ELAVL4: variants seen among roughly 807,000 people sequenced by gnomAD.
ELAVL4 encodes the protein ELAV like RNA binding protein 4.
ELAVL4 carries 1 observed loss-of-function variant against 35.6 expected under a neutral mutation model. That is an observed-to-expected ratio of 0.03 (90% CI 0.01 to 0.13). The LOEUF is 0.13. ELAVL4 is among the 10% of genes least tolerant of loss of function. ELAVL4 has a pLI of 1.00. For synonymous variants in ELAVL4, 156 were observed against 171.0 expected (o/e 0.91, Z 0.69); for missense variants, 267 against 464.9 (o/e 0.57, Z 3.91).
At chr1:50,051,956 A>C (rs939613371) in intron 1 of ELAVL4, among the ~76,000 whole-genome samples, 1 of 152,032 alleles carries the variant, frequency 6.6e-6, no homozygotes, top group African/African-American at 2.4e-5. Context: ...CTATCTCTTC[A>C]TATGTTCTTT....
At chr1:50,113,462 G>A (rs1667427202) in intron 1 of ELAVL4, among the ~76,000 whole-genome samples, 2 of 151,982 alleles carry the variant, frequency 1.3e-5, no homozygotes, top group African/African-American at 4.8e-5. Flanking sequence ...AAGTACTTTG[G>A]CCTTGACAAA....
intron 1 of ELAVL4, among the ~76,000 whole-genome samples, chr1:50,122,156 CT>C (rs1410463825): frequency 6.6e-6 from 1 of 151,980 alleles, no homozygotes; most frequent in Non-Finnish European, 1.5e-5. Flanking sequence ...ATTTGTCTGA[CT>C]CCAGAATAAA....
chr1:50,167,088 G>A lies in ELAVL4; in HGVS notation c.251-10001G>A, dbSNP rs370747143. On this transcript the variant is annotated intron_variant, in intron 2 of 6. Coordinates refer to ENST00000371824, the MANE Select transcript of ELAVL4 (RefSeq NM_001144774.3). ...CCTGGACCCATGAATCCTGGCTATG[G>A]GAGAAACAGTACCATATATTGGACA... 7.8e-4 allele frequency among the ~76,000 whole-genome samples: 118 copies of A among 152,160 alleles called. 1 individual carries two copies. The highest frequency in any genetic ancestry group is 2.8e-3 in the African/African-American group (117 of 41,498).
chr1:50,098,794 C>A (rs1312308934), intron 1 of ELAVL4, among the ~76,000 whole-genome samples: 1 of 152,202 alleles, frequency 6.6e-6, no homozygotes, highest in Non-Finnish European at 1.5e-5. Context: ...TATAGCATGC[C>A]TCTCTTGTTT....
chr1:50,066,612 T>A (rs1052210426), intron 1 of ELAVL4, among the ~76,000 whole-genome samples: 53 of 152,132 alleles, frequency 3.5e-4, no homozygotes, highest in African/African-American at 1.3e-3. Context: ...ATAATTAGAC[T>A]CATAATTTGC....
chr1:50,083,105 G>A (rs1336797902), intron 1 of ELAVL4, among the ~76,000 whole-genome samples: 3 of 152,130 alleles, frequency 2.0e-5, no homozygotes, highest in Non-Finnish European at 4.4e-5. Flanking sequence ...CACTCAGGCT[G>A]GAGTGCATTG....
chr1:50,082,450 T>C (rs1665050020), intron 1 of ELAVL4, among the ~76,000 whole-genome samples: 1 of 152,224 alleles, frequency 6.6e-6, no homozygotes. Flanking sequence ...TTTTCATATG[T>C]TTGTTGGCCA....
chr1:50,199,461 T>C (rs1377349013), intron 6 of ELAVL4, among the ~76,000 whole-genome samples: 1 of 152,172 alleles, frequency 6.6e-6, no homozygotes, highest in Non-Finnish European at 1.5e-5. Context: ...ATCCCACCAT[T>C]TTGGGAGGCC....
At chr1:50,144,811 A>T (rs779917790) in intron 1 of ELAVL4, 146 bp from the exon 2 acceptor site, 3 of 1,224,902 alleles carry the variant, frequency 2.4e-6, no homozygotes, top group Non-Finnish European at 3.6e-6. Flanking sequence ...ACATGCTTCT[A>T]AATTGGCTGT....
At chr1:50,153,154 C>T (rs1353449466) in intron 2 of ELAVL4, among the ~76,000 whole-genome samples, 2 of 152,066 alleles carry the variant, frequency 1.3e-5, no homozygotes, top group East Asian at 1.9e-4. Context: ...GTTTTGTGGG[C>T]GGGGGCAAGA....
chr1:50,063,717 G>A (rs1437778356), intron 1 of ELAVL4, among the ~76,000 whole-genome samples: 2 of 152,024 alleles, frequency 1.3e-5, no homozygotes, highest in Non-Finnish European at 2.9e-5. Flanking sequence ...CTTCATGGTA[G>A]TCCCATAGCA....
intron 1 of ELAVL4, among the ~76,000 whole-genome samples, chr1:50,082,771 A>C (rs1665067092): frequency 6.6e-6 from 1 of 152,166 alleles, no homozygotes; most frequent in East Asian, 1.9e-4. Flanking sequence ...GCTAGTAAGA[A>C]TTAGGCATTT....
At chr1:50,157,296 G>A (rs906220872) in intron 2 of ELAVL4, among the ~76,000 whole-genome samples, 1 of 152,100 alleles carries the variant, frequency 6.6e-6, no homozygotes, top group Non-Finnish European at 1.5e-5. Flanking sequence ...CTGACTTTTC[G>A]CACCTTTCTG....
intron 3 of ELAVL4, among the ~76,000 whole-genome samples, chr1:50,192,142 G>A (rs1682750387): frequency 6.6e-6 from 1 of 152,144 alleles, no homozygotes; most frequent in Non-Finnish European, 1.5e-5. Context: ...TCAGCCATGT[G>A]CTGAGAAGGA....
intron 1 of ELAVL4, among the ~76,000 whole-genome samples, chr1:50,139,132 A>T (rs921581635): frequency 6.6e-6 from 1 of 152,094 alleles, no homozygotes; most frequent in African/African-American, 2.4e-5. Context: ...TAAAATGGGG[A>T]TGATATTAGT....
chr1:50,063,739 G>A (rs1394429885), intron 1 of ELAVL4, among the ~76,000 whole-genome samples: 2 of 152,020 alleles, frequency 1.3e-5, no homozygotes, highest in South Asian at 2.1e-4. Flanking sequence ...TGTGACATGC[G>A]ACCCTAGTAA....
At chr1:50,065,945 G>T (rs908440108) in intron 1 of ELAVL4, among the ~76,000 whole-genome samples, 1 of 152,068 alleles carries the variant, frequency 6.6e-6, no homozygotes, top group African/African-American at 2.4e-5. Flanking sequence ...GCTGGGCAGG[G>T]TACCAAGAGA....
At chr1:50,154,889 A>G (rs1418003979) in intron 2 of ELAVL4, among the ~76,000 whole-genome samples, 1 of 152,108 alleles carries the variant, frequency 6.6e-6, no homozygotes, top group African/African-American at 2.4e-5. Context: ...ACTAAAATTG[A>G]AATAGCCATC....
intron 1 of ELAVL4, among the ~76,000 whole-genome samples, chr1:50,061,677 A>G (rs1663984367): frequency 6.6e-6 from 1 of 152,194 alleles, no homozygotes; most frequent in African/African-American, 2.4e-5. Flanking sequence ...CAGTGCCTGT[A>G]GGCCATGCTT....
Sources: allele counts gnomAD v4.1 joint callset (sites outside exome capture counted in the v4.1 genomes callset), GRCh38; gene constraint gnomAD v4.1.1; transcripts MANE v1.5; gene names NCBI Gene and HGNC (gene_info 2026-07-23, HGNC 2026-07-21).